DERA: variants seen among roughly 807,000 people sequenced by gnomAD.
DERA encodes 2-deoxy-D-ribose 5-phosphate aldolase.
A neutral mutation model predicts 41.1 loss-of-function variants in DERA; 15 were observed. That is an observed-to-expected ratio of 0.37 (90% CI 0.24 to 0.56). The LOEUF (loss-of-function observed/expected upper bound fraction) is 0.56, where lower values mean the gene tolerates loss of function less well. Ranked by LOEUF, DERA falls within the 20% of genes least tolerant of loss-of-function variation. The probability of loss-of-function intolerance (pLI) is 0.81; values close to 1 mark genes in which losing one functional copy is unlikely to be tolerated. For missense variants in DERA, 396 were observed against 403.4 expected (o/e 0.98, Z 0.16); for synonymous variants, 139 against 137.4 (o/e 1.01, Z -0.08).
intron 4 of DERA, among the ~76,000 whole-genome samples, chr12:15,960,738 A>G (rs542434992): frequency 1.3e-5 from 2 of 152,016 alleles, no homozygotes; most frequent in Non-Finnish European, 2.9e-5. Context: ...GGTGACACCA[A>G]AGTAAGAGAA....
chr12:15,953,415 G>A (rs1028387162), intron 1 of DERA, among the ~76,000 whole-genome samples: 1 of 151,880 alleles, frequency 6.6e-6, no homozygotes, highest in African/African-American at 2.4e-5. Flanking sequence ...AAAGTTGCAG[G>A]GAAAATGACC....
rs1278189460 is a variant in DERA, at chr12:15,931,024, A to G, written c.31+19610A>G. Among the ~76,000 whole-genome samples the G allele has an allele frequency of 1.3e-5, 2 of 152,216 alleles. No individual in the cohort carries two copies. Among genetic ancestry groups the G allele is most frequent in the African/African-American group, 2.4e-5 (1 of 41,458 alleles). On this transcript the variant is annotated intron_variant, in intron 1 of 8. Coordinates refer to ENST00000428559, the MANE Select transcript of DERA (RefSeq NM_015954.4). This position sits in a 1 kb window ranked among gnomAD's most constrained non-coding sequence, Gnocchi z 4.6. Reference sequence around the variant, plus strand: ...TTGTTTCTTCTTTTTTTGAGAGCTTAATATACTTATTTAAATTTAAATGAA... The same window carrying G: ...TTGTTTCTTCTTTTTTTGAGAGCTTGATATACTTATTTAAATTTAAATGAA...
chr12:15,961,092 CCTGATGGTA>C (rs1189802230), intron 4 of DERA, among the ~76,000 whole-genome samples: 3 of 152,132 alleles, frequency 2.0e-5, no homozygotes, highest in Non-Finnish European at 4.4e-5. Context: ...TAGTAAGTTA[CCTGATGGTA>C]CTGGATAAAT....
chr12:15,942,268 T>C (rs369557428), intron 1 of DERA, among the ~76,000 whole-genome samples: 1 of 152,230 alleles, frequency 6.6e-6, no homozygotes, highest in Non-Finnish European at 1.5e-5. Flanking sequence ...TGCTATTCTT[T>C]TGTCGGATGC....
At position 16,036,824 on chromosome 12, in the gene DERA, A is replaced by T. The variant is rs1592061773; in HGVS notation, c.*78A>T. On this transcript the variant is annotated 3_prime_UTR_variant, in exon 9 of 9. Transcript: ENST00000428559. This position sits in a 1 kb window ranked among gnomAD's most constrained non-coding sequence, Gnocchi z 4.9. ...TTCTACGTAATTGCTAAAATTATTT[A>T]ATTAAAAAATTGGGCAGTAGGTAAC... 8.8e-7 allele frequency: 1 copy of T among 1,136,278 alleles called. No homozygotes were observed. The highest frequency in any genetic ancestry group is 1.3e-6 in the Non-Finnish European group (1 of 786,944). 70.4% of individuals were successfully genotyped at this position (1,136,278 alleles called of 1,614,324 possible). A position where few individuals can be genotyped will look rare whatever the true frequency, so the allele number is the denominator to read the frequency against.
chr12:15,951,922 G>C (rs1429128547), intron 1 of DERA, among the ~76,000 whole-genome samples: 1 of 148,774 alleles, frequency 6.7e-6, no homozygotes, highest in Non-Finnish European at 1.5e-5. Flanking sequence ...TTTTTTTTGA[G>C]ACGGAGTCTT....
rs141142435 is a variant in DERA, at chr12:15,966,613, GC to G, written c.508+3667del. ...GCATTACCATGCAACATATGACACA[GC>G]AGACTGTTCCTTCCTTCTGGTAATG... On this transcript the variant is annotated intron_variant, in intron 5 of 8. Transcript: ENST00000428559. The surrounding 1 kb of genome is among the most constrained non-coding windows in gnomAD (Gnocchi z 5.1). Among the ~76,000 whole-genome samples the G allele has an allele frequency of 0.01, 1,559 of 152,258 alleles. 24 individuals are homozygous for G. The highest frequency in any genetic ancestry group is 0.036 in the African/African-American group (1,476 of 41,534).
chr12:15,982,317 A>T lies in DERA; in HGVS notation c.518A>T (p.Asp173Val). The change falls in exon 6 of 9, where the codon GAT becomes GTT. Residue 173 changes from aspartate (D) to valine (V), a missense_variant. Physicochemically the swap from Asp to Val is radical, Grantham distance 152. Transcript: ENST00000428559. This position sits in a 1 kb window ranked among gnomAD's most constrained non-coding sequence, Gnocchi z 4.0. Reference protein sequence around the residue: ...VLTGQWEALYDEIRQFRKACG... With the variant: ...VLTGQWEALYVEIRQFRKACG... ...TTATTTTCTTCCCCAGCCCTGTATGATGAGATTCGTCAGTTTCGCAAGGCC... is the reference window on the plus strand; with the variant it reads ...TTATTTTCTTCCCCAGCCCTGTATGTTGAGATTCGTCAGTTTCGCAAGGCC... 11 of 1,612,882 alleles carry T rather than the reference A, an allele frequency of 6.8e-6. No individual in the cohort carries two copies. Among genetic ancestry groups the T allele is most frequent in the Non-Finnish European group, 9.3e-6 (11 of 1,179,610 alleles).
chr12:15,957,241 T>C lies in DERA; in HGVS notation c.129+208T>C, dbSNP rs1241485882. Among the ~76,000 whole-genome samples the C allele has an allele frequency of 2.0e-5, 3 of 152,200 alleles. No individual in the cohort carries two copies. The highest frequency in any genetic ancestry group is 4.4e-5 in the Non-Finnish European group (3 of 68,036). On this transcript the variant is annotated intron_variant, in intron 2 of 8. Coordinates refer to ENST00000428559, the MANE Select transcript of DERA (RefSeq NM_015954.4). This position sits in a 1 kb window ranked among gnomAD's most constrained non-coding sequence, Gnocchi z 4.8. ...AAACAAGTTAAAATCTTATCACTCT[T>C]GAGTGGCAAAACCGCAAATGAATTT... is the stretch of plus-strand genomic sequence containing the variant.
chr12:15,974,059 G>A (rs986092556), intron 5 of DERA, among the ~76,000 whole-genome samples: 7 of 152,076 alleles, frequency 4.6e-5, no homozygotes, highest in African/African-American at 1.4e-4. Flanking sequence ...TCTGTGAAGT[G>A]TGTACATACA....
chr12:15,962,835 A>T lies in DERA; in HGVS notation c.396A>T (p.Gly132=), dbSNP rs1365880587. 3.9e-6 allele frequency: 6 copies of T among 1,553,636 alleles called. No homozygotes were observed. In the South Asian group the frequency reaches 7.2e-5, roughly 19 times the overall value. ...TAGTGGCCGCTGGATTTCCAGCTGG[A>T]CAGACTCATTTGAAGACACGATTAG... ...VASVAAGFPA[G]QTHLKTRLEE... The change falls in exon 5 of 9, where the codon GGA becomes GGT. Residue 132 remains glycine, a synonymous_variant. Transcript: ENST00000428559.
Position 15,982,971 on chromosome 12 carries a change from A to G in DERA, c.637+535A>G, listed in dbSNP as rs977674548. Among the ~76,000 whole-genome samples the G allele has an allele frequency of 9.2e-5, 14 of 152,206 alleles. No homozygotes were observed. The highest frequency in any genetic ancestry group is 1.5e-4 in the Non-Finnish European group (10 of 68,040). ...TAGACATCCAAGCTTGCAGCCTAGG[A>G]GTCATGCTTGGTTCTTTCTTTTTCT... On this transcript the variant is annotated intron_variant, in intron 6 of 8. Transcript: ENST00000428559. The surrounding 1 kb of genome is among the most constrained non-coding windows in gnomAD (Gnocchi z 4.0).
At position 16,036,237 on chromosome 12, in the gene DERA, G is replaced by A. The variant is rs201308678; in HGVS notation, c.756G>A (p.Gly252=). The A allele has an allele frequency of 1.9e-6, 3 of 1,606,676 alleles. No individual in the cohort carries two copies. The highest frequency in any genetic ancestry group is 2.5e-6 in the Non-Finnish European group (3 of 1,177,324). ...TTCTCTGCCTTCCCATTTAGATAGG[G>A]TTTAAACCAGCAGGAGGCATCCGCA... is the stretch of plus-strand genomic sequence containing the variant. The part of the protein sequence containing the change: ...DFFWKTGNKI[G]FKPAGGIRSA... The change falls in exon 8 of 9, where the codon GGG becomes GGA. Residue 252 remains glycine (G), a synonymous_variant. Transcript: ENST00000428559. This position sits in a 1 kb window ranked among gnomAD's most constrained non-coding sequence, Gnocchi z 4.9.
At chr12:16,024,448 T>G (rs1949039874) in intron 6 of DERA, among the ~76,000 whole-genome samples, 1 of 152,174 alleles carries the variant, frequency 6.6e-6, no homozygotes, top group Admixed American at 6.5e-5. Flanking sequence ...ATTACTACAA[T>G]GGACTTCTCA....
Position 15,918,648 on chromosome 12 carries a change from A to G in DERA, c.31+7234A>G, listed in dbSNP as rs867445476. ...TCCTGGCACTTGTTACTTGCTGCTC[A>G]TGGTCATGGCAGGGATGCCAAGGTG... On this transcript the variant is annotated intron_variant, in intron 1 of 8. Coordinates refer to ENST00000428559, the MANE Select transcript of DERA (RefSeq NM_015954.4). The surrounding 1 kb of genome is among the most constrained non-coding windows in gnomAD (Gnocchi z 4.3). Among the ~76,000 whole-genome samples, 1 of 152,168 alleles carries G rather than the reference A, an allele frequency of 6.6e-6. No homozygotes were observed. The highest frequency in any genetic ancestry group is 2.1e-4 in the South Asian group (1 of 4,826).
Position 15,976,896 on chromosome 12 carries a change from A to G in DERA, c.509-5412A>G, listed in dbSNP as rs1358167691. ...CAAGGGCTGAGAAGTCCTGATTCAA[A>G]TATATGAACTCTACTGTAGCACCAT... is the stretch of plus-strand genomic sequence containing the variant. On this transcript the variant is annotated intron_variant, in intron 5 of 8. Transcript: ENST00000428559. The surrounding 1 kb of genome is among the most constrained non-coding windows in gnomAD (Gnocchi z 4.1). 6.6e-6 allele frequency among the ~76,000 whole-genome samples: 1 copy of G among 152,184 alleles called. No individual in the cohort carries two copies. Among genetic ancestry groups the G allele is most frequent in the Non-Finnish European group, 1.5e-5 (1 of 68,034 alleles).
In DERA at chr12:16,021,126, A is replaced by T. The variant is rs1949014779; in HGVS notation, c.638-11416A>T. Reference sequence around the variant, plus strand: ...AAAGGGAGCCAAGTGCTCATATATAAGACTGTGGGGAAAAGACTTGAAGGC... The same window carrying T: ...AAAGGGAGCCAAGTGCTCATATATATGACTGTGGGGAAAAGACTTGAAGGC... On this transcript the variant is annotated intron_variant, in intron 6 of 8. Transcript: ENST00000428559. This position sits in a 1 kb window ranked among gnomAD's most constrained non-coding sequence, Gnocchi z 5.3. Among the ~76,000 whole-genome samples, 1 of 152,202 alleles carries T rather than the reference A, an allele frequency of 6.6e-6. No individual in the cohort carries two copies. The highest frequency in any genetic ancestry group is 6.5e-5 in the Admixed American group (1 of 15,284).
At position 15,983,498 on chromosome 12, in the gene DERA, C is replaced by G. The variant is rs974303716; in HGVS notation, c.637+1062C>G. Among the ~76,000 whole-genome samples, 5 of 152,272 alleles carry G rather than the reference C, an allele frequency of 3.3e-5. 1 individual carries two copies. Among genetic ancestry groups the G allele is most frequent in the Middle Eastern group, 6.8e-3 (2 of 294 alleles). On this transcript the variant is annotated intron_variant, in intron 6 of 8. Coordinates refer to ENST00000428559, the MANE Select transcript of DERA (RefSeq NM_015954.4). The surrounding 1 kb of genome is among the most constrained non-coding windows in gnomAD (Gnocchi z 6.2). ...TCTTGGGGTTCAGCACAGGTACCACCTTTTTCAGGAATTATTTCCCCTGAC... is the reference window on the plus strand; with the variant it reads ...TCTTGGGGTTCAGCACAGGTACCACGTTTTTCAGGAATTATTTCCCCTGAC...
rs115629535 is a variant in DERA, at chr12:15,959,820, T to C, written c.278-9T>C. The C allele has an allele frequency of 6.5e-4, 993 of 1,529,248 alleles. 5 individuals carry two copies. The African/African-American group carries it at 0.012, about 19-fold the overall frequency. 94.7% of individuals were successfully genotyped at this position (1,529,248 alleles called of 1,614,324 possible). On this transcript the variant is annotated splice_polypyrimidine_tract_variant and intron_variant, in intron 3 of 8. Coordinates refer to ENST00000428559, the MANE Select transcript of DERA (RefSeq NM_015954.4). This position sits in a 1 kb window ranked among gnomAD's most constrained non-coding sequence, Gnocchi z 4.5. Reference sequence around the variant, plus strand: ...TTGAAAGTTGGCTATTCCTATTTTTTCTTGATAGGCATTACTACAGCCGCC... The same window carrying C: ...TTGAAAGTTGGCTATTCCTATTTTTCCTTGATAGGCATTACTACAGCCGCC...
Sources: gnomAD v4.1 joint callset for allele counts (sites outside exome capture counted in the v4.1 genomes callset) on GRCh38, gnomAD v4.1.1 for gene constraint, Gnocchi (gnomAD v3.1) non-coding constraint, MANE v1.5 for transcripts, NCBI Gene and HGNC (gene_info 2026-07-23, HGNC 2026-07-21) for gene names.